C4orf50: variants seen among roughly 807,000 people sequenced by gnomAD.
C4orf50 encodes the protein chromosome 4 open reading frame 50.
In C4orf50, 80 loss-of-function variants were observed where a neutral mutation model predicts 77.2. That is an observed-to-expected ratio of 1.04 (90% CI 0.87 to 1.25). C4orf50 has a LOEUF of 1.25. C4orf50 is among the 50% of genes most tolerant of loss of function. The pLI, the probability that C4orf50 is intolerant of heterozygous loss-of-function variation, is 0.00. For synonymous variants in C4orf50, 532 were observed against 465.3 expected, an observed-to-expected ratio of 1.14 and a Z score of -1.84; for missense variants, 1,257 against 1,152.9, an observed-to-expected ratio of 1.09 and a Z score of -1.31.
intron 7 of C4orf50, among the ~76,000 whole-genome samples, chr4:5,939,470 A>T (rs1213577569): frequency 1.3e-5 from 2 of 152,134 alleles, no homozygotes; most frequent in Non-Finnish European, 1.5e-5. Context: ...ATGGGGTCAA[A>T]TATCAACAGC....
intron 28 of C4orf50, among the ~76,000 whole-genome samples, chr4:5,986,879 G>A (rs926491883): frequency 6.6e-6 from 1 of 152,108 alleles, no homozygotes; most frequent in Non-Finnish European, 1.5e-5. Flanking sequence ...ATAAATGATA[G>A]TATATAAATT....
Position 5,916,667 on chromosome 4 carries a change from A to G in C4orf50, c.*2475-18479T>C. Reference sequence around the variant, plus strand: ...GGGGGAGATCCCAGAAGTAGGAGTGAGGGAGCAGGGAGGTGAGACAGGGAG... The same window carrying G: ...GGGGGAGATCCCAGAAGTAGGAGTGGGGGAGCAGGGAGGTGAGACAGGGAG... On this transcript the variant is annotated intron_variant, in intron 7 of 7. Transcript: ENST00000324058. The surrounding 1 kb of genome is among the most constrained non-coding windows in gnomAD (Gnocchi z 4.4). Among the ~76,000 whole-genome samples, 1 of 152,186 alleles carries G rather than the reference A, an allele frequency of 6.6e-6. No individual in the cohort carries two copies. The highest frequency in any genetic ancestry group is 1.9e-4 in the East Asian group (1 of 5,190).
At chr4:6,010,212 C>T (rs1722436679) in intron 24 of C4orf50, among the ~76,000 whole-genome samples, 1 of 152,132 alleles carries the variant, frequency 6.6e-6, no homozygotes, top group East Asian at 1.9e-4. Context: ...GAGTCCCACT[C>T]AACGCCGCTC....
intron 29 of C4orf50, 124 bp from the exon 8 acceptor site, chr4:5,976,079 C>G: frequency 1.4e-6 from 1 of 731,734 alleles, no homozygotes; most frequent in South Asian, 1.6e-5. Flanking sequence ...CATGGGGACT[C>G]AGTGCCAGGA....
chr4:5,910,862 C>T (rs1436407312), intron 7 of C4orf50, among the ~76,000 whole-genome samples: 2 of 150,144 alleles, frequency 1.3e-5, no homozygotes, highest in African/African-American at 4.9e-5. Flanking sequence ...CCCTATTTGT[C>T]TAACAGATGT....
chr4:5,911,272 C>G (rs1332970340), intron 7 of C4orf50, among the ~76,000 whole-genome samples: 1 of 152,150 alleles, frequency 6.6e-6, no homozygotes, highest in African/African-American at 2.4e-5. Flanking sequence ...CCAGAACCCC[C>G]ACATCGAGTA....
intron 25 of C4orf50, among the ~76,000 whole-genome samples, chr4:6,004,256 ATGGTGATGGTGG>A (rs1722092264): frequency 1.1e-4 from 7 of 64,998 alleles, no homozygotes; most frequent in African/African-American, 3.0e-4. Context: ...GATGATGGTG[ATGGTGATGGTGG>A]TGATGGTGAT....
In C4orf50 at chr4:5,970,982, A is replaced by T. The variant is rs1481761499; in HGVS notation, c.4104+2677T>A. ...AGCCTGTCCAGTTGGGACCCTAGCCAGCCCACGCCCCCTACCCAAAGGCAG... is the reference window on the plus strand; with the variant it reads ...AGCCTGTCCAGTTGGGACCCTAGCCTGCCCACGCCCCCTACCCAAAGGCAG... On this transcript the variant is annotated intron_variant, in intron 31 of 33. Coordinates refer to ENST00000531445, the Ensembl canonical transcript of C4orf50. The surrounding 1 kb of genome is among the most constrained non-coding windows in gnomAD (Gnocchi z 4.3). 2.0e-5 allele frequency among the ~76,000 whole-genome samples: 3 copies of T among 152,192 alleles called. No individual in the cohort carries two copies. Among genetic ancestry groups the T allele is most frequent in the African/African-American group, 7.2e-5 (3 of 41,444 alleles).
At position 5,932,022 on chromosome 4, in the gene C4orf50, C is replaced by T. The variant is rs1214673547; in HGVS notation, c.*2474+24879G>A. On this transcript the variant is annotated intron_variant, in intron 7 of 7. Coordinates refer to the C4orf50 transcript ENST00000324058. The surrounding 1 kb of genome is among the most constrained non-coding windows in gnomAD (Gnocchi z 4.2). ...TTTACGGAGAGTTGTCACCTGACCCCAAAATGCTAAGCTCTTCCCAACGCC... is the reference window on the plus strand; with the variant it reads ...TTTACGGAGAGTTGTCACCTGACCCTAAAATGCTAAGCTCTTCCCAACGCC... Among the ~76,000 whole-genome samples the T allele has an allele frequency of 2.0e-5, 3 of 152,002 alleles. No individual in the cohort carries two copies. Among genetic ancestry groups the T allele is most frequent in the Non-Finnish European group, 2.9e-5 (2 of 67,990 alleles).
chr4:5,967,958 C>T (rs1719682130), intron 31 of C4orf50, among the ~76,000 whole-genome samples: 1 of 152,178 alleles, frequency 6.6e-6, no homozygotes, highest in Non-Finnish European at 1.5e-5. Flanking sequence ...AACTGGTTGG[C>T]CGACGGCCCC....
chr4:5,899,793 C>G (rs928105487), intron 7 of C4orf50: 1 of 152,212 alleles, frequency 6.6e-6, no homozygotes, highest in African/African-American at 2.4e-5. Context: ...CAGGGCCCCA[C>G]CCAATACAAC....
At chr4:5,982,173 C>T (rs1192201205) in intron 28 of C4orf50, among the ~76,000 whole-genome samples, 1 of 152,110 alleles carries the variant, frequency 6.6e-6, no homozygotes, top group African/African-American at 2.4e-5. Context: ...GTCAAAACAA[C>T]TTGGCCTTTC....
chr4:5,917,221 C>T (rs997299787), intron 7 of C4orf50, among the ~76,000 whole-genome samples: 2 of 152,162 alleles, frequency 1.3e-5, no homozygotes, highest in Non-Finnish European at 2.9e-5. Flanking sequence ...AGCTCATTCA[C>T]ACAGCCCTGC....
At chr4:5,973,067 C>G (rs763845617) in intron 31 of C4orf50, among the ~76,000 whole-genome samples, 1 of 152,226 alleles carries the variant, frequency 6.6e-6, no homozygotes, top group Non-Finnish European at 1.5e-5. Context: ...ATTCTCAGAG[C>G]CAGGCACTGG....
At chr4:5,955,658 T>A (rs1188628364), downstream of C4orf50, among the ~76,000 whole-genome samples, 1 of 152,168 alleles carries the variant, frequency 6.6e-6, no homozygotes, top group African/African-American at 2.4e-5. The surrounding 1 kb of genome is among the most constrained non-coding windows in gnomAD (Gnocchi z 5.1). Flanking sequence ...GCCTCCAAAC[T>A]GCCCAGTGCT....
At chr4:5,906,119 G>C (rs1716541499) in intron 7 of C4orf50, among the ~76,000 whole-genome samples, 1 of 152,198 alleles carries the variant, frequency 6.6e-6, no homozygotes, top group Middle Eastern at 3.4e-3. Flanking sequence ...GAGAGAGAGG[G>C]AGGGAGCAGG....
chr4:5,933,236 T>C (rs1336620185), intron 7 of C4orf50, among the ~76,000 whole-genome samples: 1 of 152,132 alleles, frequency 6.6e-6, no homozygotes, highest in Non-Finnish European at 1.5e-5. Flanking sequence ...TTGTCAAGAG[T>C]GCTTTTGAAT....
At chr4:5,993,347 C>T (rs1018013705) in intron 26 of C4orf50, among the ~76,000 whole-genome samples, 7 of 152,190 alleles carry the variant, frequency 4.6e-5, no homozygotes, top group Non-Finnish European at 1.5e-5. Flanking sequence ...AAAGGGAAAA[C>T]GCTGGTTGCA....
exon 28 of C4orf50, chr4:5,988,445 C>T: frequency 6.3e-7 from 1 of 1,595,460 alleles, no homozygotes; most frequent in Non-Finnish European, 8.5e-7. Context: ...TTCACTTCTG[C>T]TCCACTGACA....
Sources: gnomAD v4.1 joint callset for allele counts (sites outside exome capture counted in the v4.1 genomes callset) on GRCh38, gnomAD v4.1.1 for gene constraint, Gnocchi (gnomAD v3.1) non-coding constraint, MANE v1.5 for transcripts, NCBI Gene and HGNC (gene_info 2026-07-23, HGNC 2026-07-21) for gene names.